The following SMAD9 variants were observed in gnomAD, a reference collection of about 807,000 sequenced individuals.
SMAD9 encodes the protein SMAD family member 9.
A neutral mutation model predicts 46.1 loss-of-function variants in SMAD9; 36 were observed. The ratio of observed to expected loss-of-function variants is 0.78; its 90% confidence interval spans 0.60 to 1.03. The LOEUF (loss-of-function observed/expected upper bound fraction) is 1.03, where lower values mean the gene tolerates loss of function less well. Among genes scored for constraint, SMAD9 ranks in the 50% least tolerant of loss-of-function variants. The pLI is 0.00. For missense variants in SMAD9, 572 were observed against 599.8 expected, an observed-to-expected ratio of 0.95 and a Z score of 0.48; for synonymous variants, 245 against 237.1, an observed-to-expected ratio of 1.03 and a Z score of -0.31.
chr13:36,879,129 G>A (rs933086628), intron 2 of SMAD9, 149 bp downstream of exon 2: 5 of 698,874 alleles, frequency 7.2e-6, no homozygotes, highest in African/African-American at 1.9e-5. Context: ...AATTTTGGAC[G>A]AGTCCCTCAA....
intron 1 of SMAD9, among the ~76,000 whole-genome samples, chr13:36,900,691 AC>A (rs2058567643): frequency 1.3e-5 from 1 of 75,610 alleles, no homozygotes; most frequent in Non-Finnish European, 2.4e-5. Flanking sequence ...GACTACACAC[AC>A]ACACACACAC....
chr13:36,908,274 T>C (rs956564336), intron 1 of SMAD9, among the ~76,000 whole-genome samples: 2 of 152,238 alleles, frequency 1.3e-5, no homozygotes, highest in Non-Finnish European at 2.9e-5. Flanking sequence ...TTATTCAGCT[T>C]GATTTTCTCA....
At chr13:36,903,361 G>A (rs376581238) in intron 1 of SMAD9, among the ~76,000 whole-genome samples, 33 of 151,994 alleles carry the variant, frequency 2.2e-4, no homozygotes, top group Non-Finnish European at 4.9e-4. Flanking sequence ...TCCTGACCTC[G>A]TGAACCACCT....
intron 1 of SMAD9, among the ~76,000 whole-genome samples, chr13:36,899,629 TAG>T (rs1449548578): frequency 2.6e-5 from 4 of 152,034 alleles, no homozygotes; most frequent in East Asian, 1.9e-4. Flanking sequence ...GTGAGCTGGA[TAG>T]AGAGTTGGGG....
In SMAD9 at chr13:36,895,156, C is replaced by T. The variant is rs1457153613; in HGVS notation, c.-186-15281G>A. On this transcript the variant is annotated intron_variant, in intron 1 of 6. Coordinates refer to ENST00000379826, the MANE Select transcript of SMAD9 (RefSeq NM_001127217.3). The stretch of plus-strand genomic sequence containing the variant: ...CAAATCTACATCTTCCTCAGTGTTC[C>T]CAGGTCACCCCTTTTCTAATGAGTC... 3.9e-5 allele frequency among the ~76,000 whole-genome samples: 6 copies of T among 152,152 alleles called. No homozygotes were observed. In the East Asian group the frequency reaches 1.2e-3, roughly 29 times the overall value.
chr13:36,859,902 G>A (rs2058163562), intron 5 of SMAD9, among the ~76,000 whole-genome samples: 1 of 151,090 alleles, frequency 6.6e-6, no homozygotes, highest in African/African-American at 2.4e-5. Flanking sequence ...AGAGGTTGAG[G>A]CGAGCCGAGA....
intron 1 of SMAD9, 72 bp from the exon 2 acceptor site, chr13:36,879,947 A>ACC: frequency 2.1e-6 from 1 of 478,196 alleles, no homozygotes; most frequent in Non-Finnish European, 3.8e-6. Context: ...TTGGATAGAA[A>ACC]GAGGCAATCT....
chr13:36,876,711 G>C (rs942367426), intron 2 of SMAD9, among the ~76,000 whole-genome samples: 4 of 152,092 alleles, frequency 2.6e-5, no homozygotes, highest in Non-Finnish European at 5.9e-5. Flanking sequence ...TGAATGAAAA[G>C]AAAATGGGAA....
chr13:36,888,115 G>A (rs2058462215), intron 1 of SMAD9, among the ~76,000 whole-genome samples: 1 of 152,180 alleles, frequency 6.6e-6, no homozygotes, highest in Non-Finnish European at 1.5e-5. Flanking sequence ...GTTTCAGGGT[G>A]TTCACCCTGC....
chr13:36,857,560 G>T (rs373514812), intron 5 of SMAD9, among the ~76,000 whole-genome samples: 1 of 152,124 alleles, frequency 6.6e-6, no homozygotes, highest in East Asian at 1.9e-4. Flanking sequence ...GTTTAATTTG[G>T]GTTTGCTGGG....
At position 36,872,742 on chromosome 13, in the gene SMAD9, C is replaced by T. The variant is rs531429163; in HGVS notation, c.586G>A (p.Ala196Thr). The change falls in exon 3 of 7, where the codon GCG becomes ACG. Residue 196 changes from alanine (A) to threonine (T), a missense_variant. Physicochemically the swap from Ala to Thr is moderately conservative, Grantham distance 58 (BLOSUM62 0). Transcript: ENST00000379826. ...GCCGTGCACGGGGACTGGGAGAACG[C>T]GTGGCTGGGTGAGGGAGGGAGTGCA... ...CSALPPSPSH[A>T]FSQSPCTASY... 25 of 1,613,936 alleles carry T rather than the reference C, an allele frequency of 1.5e-5. No homozygotes were observed. Among genetic ancestry groups the T allele is most frequent in the South Asian group, 3.3e-5 (3 of 91,066 alleles).
rs74879638 is a variant in SMAD9, at chr13:36,859,231, C to T, written c.1004-5556G>A. 7.9e-3 allele frequency among the ~76,000 whole-genome samples: 1,207 copies of T among 152,104 alleles called. 14 individuals carry two copies. The highest frequency in any genetic ancestry group is 0.028 in the African/African-American group (1,174 of 41,484). ...GCCTTACATGTGTTCAGAGGCAGAA[C>T]AAAAGGACTATTTTGAGACAGGGAA... On this transcript the variant is annotated intron_variant, in intron 5 of 6. Coordinates refer to ENST00000379826, the MANE Select transcript of SMAD9 (RefSeq NM_001127217.3).
chr13:36,901,519 C>T (rs1264857647), intron 1 of SMAD9, among the ~76,000 whole-genome samples: 1 of 151,890 alleles, frequency 6.6e-6, no homozygotes, highest in South Asian at 2.1e-4. Flanking sequence ...CCTCCGCCTC[C>T]CAGGTTCAAG....
Position 36,879,317 on chromosome 13 carries a change from A to G in SMAD9, c.373T>C (p.Cys125Arg), listed in dbSNP as rs1474572803. The G allele has an allele frequency of 6.2e-7, 1 of 1,613,988 alleles. No homozygotes were observed. Among genetic ancestry groups the G allele is most frequent in the Non-Finnish European group, 8.5e-7 (1 of 1,180,022 alleles). ...CGGCGGTAGTGGTAAGGGTTAATGC[A>G]CACTTCTTTCTGCTTGGAGCCAAAT... is the stretch of plus-strand genomic sequence containing the variant. The part of the protein sequence containing the change: ...FPFGSKQKEV[C>R]INPYHYRRVE... Residue 125 changes from cysteine (C) to arginine (R), a missense_variant, in exon 2 of 7, where the codon TGC (cysteine) becomes CGC (arginine). Physicochemically the swap from Cys to Arg is radical, Grantham distance 180. Transcript: ENST00000379826.
At chr13:36,867,221 T>G in intron 4 of SMAD9, 52 bp downstream of exon 4, 1 of 1,189,820 alleles carries the variant, frequency 8.4e-7, no homozygotes, top group South Asian at 1.3e-5. Flanking sequence ...TTGGGGGTAA[T>G]AGGAAATACT....
In SMAD9 at chr13:36,890,226, A is replaced by T. The variant is rs528281290; in HGVS notation, c.-186-10351T>A. Among the ~76,000 whole-genome samples, 59 of 152,314 alleles carry T rather than the reference A, an allele frequency of 3.9e-4. 1 individual carries two copies. The South Asian group carries it at 8.5e-3, about 22-fold the overall frequency. On this transcript the variant is annotated intron_variant, in intron 1 of 6. Coordinates refer to ENST00000379826, the MANE Select transcript of SMAD9 (RefSeq NM_001127217.3). ...TTTAGTAAAATTAAGAGATCTCAATATACATTTCTACTTCCAAAATATAAC... is the reference window on the plus strand; with the variant it reads ...TTTAGTAAAATTAAGAGATCTCAATTTACATTTCTACTTCCAAAATATAAC...
rs183024189 is a variant in SMAD9, at chr13:36,873,783, A to T, written c.413-868T>A. On this transcript the variant is annotated intron_variant, in intron 2 of 6. Coordinates refer to ENST00000379826, the MANE Select transcript of SMAD9 (RefSeq NM_001127217.3). ...GAGGCTGAGGCAGGAGAATCGCTTGAATCTGGGAGGTGGAAGTTGCAGTGA... is the reference window on the plus strand; with the variant it reads ...GAGGCTGAGGCAGGAGAATCGCTTGTATCTGGGAGGTGGAAGTTGCAGTGA... Among the ~76,000 whole-genome samples, 308 of 152,250 alleles carry T rather than the reference A, an allele frequency of 2.0e-3. 2 individuals are homozygous for T. The highest frequency in any genetic ancestry group is 6.7e-3 in the African/African-American group (280 of 41,540).
rs578049648 is a variant in SMAD9, at chr13:36,920,184, AGCAGCG to A, written c.-261_-256del. ...CGGCGGGGACCGAGACAGCGGCTGC[AGCAGCG>A]GCGGCGGCGGCGGCGGCGGCGGCGG... On this transcript the variant is annotated 5_prime_UTR_variant, in exon 1 of 7. Transcript: ENST00000379826. 5,188 of 72,948 alleles carry A rather than the reference AGCAGCG, an allele frequency of 0.071. 205 individuals are homozygous for A. Among genetic ancestry groups the A allele is most frequent in the African/African-American group, 0.12 (3,848 of 31,598 alleles). 4.5% of individuals were successfully genotyped at this position (72,948 alleles called of 1,614,324 possible).
intron 5 of SMAD9, among the ~76,000 whole-genome samples, chr13:36,863,839 A>T (rs1252862545): frequency 6.6e-6 from 1 of 152,166 alleles, no homozygotes. Context: ...CCATGGGCCA[A>T]ATAAACCTCT....
Sources: allele counts gnomAD v4.1 joint callset (sites outside exome capture counted in the v4.1 genomes callset), GRCh38; gene constraint gnomAD v4.1.1; transcripts MANE v1.5; gene names NCBI Gene and HGNC (gene_info 2026-07-23, HGNC 2026-07-21).